Variants in CD1B observed in about 807,000 individuals in gnomAD.
The protein encoded by CD1B is CD1b molecule, also known as T-cell surface glycoprotein CD1b.
Under a neutral mutation model 39.8 loss-of-function variants are expected in CD1B, and 43 were observed. That is an observed-to-expected ratio of 1.08 (90% CI 0.85 to 1.39). The LOEUF (loss-of-function observed/expected upper bound fraction) is 1.39, where lower values mean the gene tolerates loss of function less well. Ranked by LOEUF, CD1B falls within the 40% of genes most tolerant of loss-of-function variation. The pLI, the probability that CD1B is intolerant of heterozygous loss-of-function variation, is 0.00. For synonymous variants in CD1B, 192 were observed against 152.5 expected, an observed-to-expected ratio of 1.26 and a Z score of -1.91; for missense variants, 495 against 403.8, an observed-to-expected ratio of 1.23 and a Z score of -1.94.
chr1:158,293,472 T>C, the CD1B span: 2 of 1,614,054 alleles, frequency 1.2e-6, no homozygotes, highest in Non-Finnish European at 1.7e-6. Context: ...CAGGACATCC[T>C]GTGAGACTCT....
the CD1B span, chr1:158,290,146 T>C: frequency 6.2e-7 from 1 of 1,610,110 alleles, no homozygotes; most frequent in African/African-American, 1.3e-5. Flanking sequence ...CGCTGTCAGC[T>C]GCAAGGTTAC....
the CD1B span, chr1:158,291,935 T>C: frequency 1.3e-6 from 1 of 750,078 alleles, no homozygotes; most frequent in African/African-American, 1.8e-5. Context: ...GCAATTTTTC[T>C]CTCTTGTTTC....
the CD1B span, chr1:158,292,617 C>G: frequency 5.0e-6 from 8 of 1,612,858 alleles, no homozygotes; most frequent in Non-Finnish European, 6.8e-6. Flanking sequence ...GCCTGGCTGT[C>G]CAGTCGCCCC....
At chr1:158,318,327 C>T in the CD1B span, among the ~76,000 whole-genome samples, 2 of 152,130 alleles carry the variant, frequency 1.3e-5, no homozygotes, top group East Asian at 1.9e-4. Context: ...TCAGGACTTG[C>T]TTTATGGATC....
At chr1:158,314,942 T>C in the CD1B span, among the ~76,000 whole-genome samples, 1 of 149,024 alleles carries the variant, frequency 6.7e-6, no homozygotes, top group Non-Finnish European at 1.5e-5. Flanking sequence ...TTACTGAGAA[T>C]GATGATTTCC....
At chr1:158,316,240 C>T in the CD1B span, among the ~76,000 whole-genome samples, 1 of 151,980 alleles carries the variant, frequency 6.6e-6, no homozygotes, top group Non-Finnish European at 1.5e-5. Flanking sequence ...CTGTAAATTA[C>T]CTTGGGCAGT....
chr1:158,328,091 AAAT>A lies in CD1B; in HGVS notation c.*142_*144del. 3.0e-6 allele frequency: 2 copies of A among 676,842 alleles called. No individual in the cohort carries two copies. The highest frequency in any genetic ancestry group is 2.7e-5 in the Admixed American group (1 of 36,682). 41.9% of individuals were successfully genotyped at this position (676,842 alleles called of 1,614,324 possible). On this transcript the variant is annotated 3_prime_UTR_variant, in exon 6 of 6. Transcript: ENST00000368168. ...TTTAAGTACTTTTTTGCTGATGTTT[AAAT>A]AATAATTTATTTTAAAATACATGAA...
chr1:158,319,647 C>A, the CD1B span, among the ~76,000 whole-genome samples: 5 of 152,190 alleles, frequency 3.3e-5, no homozygotes, highest in African/African-American at 1.2e-4. Context: ...TCGTCTGAAG[C>A]CTTCTTCTCT....
chr1:158,288,720 T>G, the CD1B span, among the ~76,000 whole-genome samples: 2 of 152,240 alleles, frequency 1.3e-5, no homozygotes, highest in African/African-American at 4.8e-5. Context: ...TTTAAGTGAC[T>G]GCTCCAATGC....
At chr1:158,304,578 T>C in the CD1B span, among the ~76,000 whole-genome samples, 1 of 152,198 alleles carries the variant, frequency 6.6e-6, no homozygotes, top group South Asian at 2.1e-4. Context: ...TCTGACAGCT[T>C]GGAAGAGAGT....
At chr1:158,309,149 A>G in the CD1B span, among the ~76,000 whole-genome samples, 1 of 152,038 alleles carries the variant, frequency 6.6e-6, no homozygotes, top group African/African-American at 2.4e-5. Context: ...AAAACAAACA[A>G]CCCCATCAAA....
Position 158,329,488 on chromosome 1 carries a change from A to G in CD1B, c.768T>C (p.Asn256=), listed in dbSNP as rs1652495833. 2 of 1,613,992 alleles carry G rather than the reference A, an allele frequency of 1.2e-6. No individual in the cohort carries two copies. Among genetic ancestry groups the G allele is most frequent in the Admixed American group, 1.7e-5 (1 of 59,988 alleles). Residue 256 remains asparagine, a synonymous_variant, in exon 4 of 6, where the codon AAT becomes AAC. Transcript: ENST00000368168. ...CTCGGAGATACCATGTCCAGTTAGC[A>G]TTGGGCAGGATGTCCCCTAGCTGAG... ...QGTQLGDILP[N]ANWTWYLRAT...
the CD1B span, among the ~76,000 whole-genome samples, chr1:158,300,244 C>G: frequency 2.2e-3 from 339 of 152,250 alleles, 2 homozygotes; most frequent in African/African-American, 8.0e-3. Context: ...TTGTTATTTA[C>G]CAAGTAGTCA....
the CD1B span, among the ~76,000 whole-genome samples, chr1:158,319,159 G>A: frequency 1.9e-4 from 29 of 151,002 alleles, no homozygotes; most frequent in African/African-American, 6.3e-4. Flanking sequence ...TGCTCTTCTC[G>A]AGGAGTATCT....
downstream of CD1B, among the ~76,000 whole-genome samples, chr1:158,327,795 G>C (rs1485803809): frequency 3.3e-5 from 5 of 152,170 alleles, no homozygotes; most frequent in African/African-American, 4.8e-5. Context: ...AATTCATCCA[G>C]GCAGAGACAG....
At chr1:158,320,064 A>T in the CD1B span, among the ~76,000 whole-genome samples, 2 of 152,216 alleles carry the variant, frequency 1.3e-5, no homozygotes, top group South Asian at 4.1e-4. Flanking sequence ...GCTCTCTTCA[A>T]AGCTGTCAGA....
chr1:158,288,498 C>G, the CD1B span, among the ~76,000 whole-genome samples: 1 of 151,902 alleles, frequency 6.6e-6, no homozygotes, highest in South Asian at 2.1e-4. Flanking sequence ...CTCAAAAGAT[C>G]TTCCTGCCTC....
At chr1:158,301,303 A>G in the CD1B span, among the ~76,000 whole-genome samples, 1 of 151,844 alleles carries the variant, frequency 6.6e-6, no homozygotes, top group Non-Finnish European at 1.5e-5. Flanking sequence ...TAAGGTTAAT[A>G]TTAAGTGTGA....
At chr1:158,292,694 G>T in the CD1B span, 6 of 1,614,006 alleles carry the variant, frequency 3.7e-6, no homozygotes, top group East Asian at 2.2e-5. Flanking sequence ...GCCTGTTTGG[G>T]TGACATGGAT....
Sources: allele counts gnomAD v4.1 joint callset (sites outside exome capture counted in the v4.1 genomes callset), GRCh38; gene constraint gnomAD v4.1.1; transcripts MANE v1.5; gene names NCBI Gene and HGNC (gene_info 2026-07-23, HGNC 2026-07-21).